Variants in AFG1L observed in about 807,000 individuals in gnomAD.
AFG1L encodes the protein AFG1-like ATPase.
Under a neutral mutation model 62.2 loss-of-function variants are expected in AFG1L, and 53 were observed. That is an observed-to-expected ratio of 0.85 (90% CI 0.68 to 1.07). AFG1L has a LOEUF of 1.07. Among genes scored for constraint, AFG1L ranks in the 50% least tolerant of loss-of-function variants. The probability of loss-of-function intolerance (pLI) is 0.00; values close to 1 mark genes in which losing one functional copy is unlikely to be tolerated. For missense variants in AFG1L, 555 were observed against 590.5 expected, an observed-to-expected ratio of 0.94 and a Z score of 0.62; for synonymous variants, 228 against 210.3, an observed-to-expected ratio of 1.08 and a Z score of -0.73.
At chr6:108,434,570 C>T (rs542923562) in intron 7 of AFG1L, among the ~76,000 whole-genome samples, 2 of 152,300 alleles carry the variant, frequency 1.3e-5, no homozygotes, top group South Asian at 4.1e-4. Flanking sequence ...ATTTTTCTGA[C>T]ACCTGCTAAC....
chr6:108,328,931 T>G (rs35003779), intron 2 of AFG1L, among the ~76,000 whole-genome samples: 2,029 of 152,296 alleles, frequency 0.013, 23 homozygotes, highest in Non-Finnish European at 0.019. Context: ...CTAATGTAAA[T>G]GGAAGATTTG....
intron 10 of AFG1L, among the ~76,000 whole-genome samples, chr6:108,499,108 G>A (rs574240761): frequency 1.3e-3 from 179 of 143,056 alleles, no homozygotes; most frequent in African/African-American, 4.3e-3. Context: ...TTGCTCTGTC[G>A]CCCAGGCTGG....
At chr6:108,520,436 A>G (rs558576896) in intron 12 of AFG1L, 13 of 152,344 alleles carry the variant, frequency 8.5e-5, no homozygotes, top group African/African-American at 3.1e-4. Flanking sequence ...GATTCACCCC[A>G]GGCCAACTAG....
intron 7 of AFG1L, among the ~76,000 whole-genome samples, chr6:108,422,738 G>A (rs113746545): frequency 0.028 from 4,325 of 151,816 alleles, 96 homozygotes; most frequent in Middle Eastern, 0.085. Flanking sequence ...TTCTTTTAAC[G>A]TATTTTAATT....
In AFG1L at chr6:108,355,687, A is replaced by T; in HGVS notation, c.449A>T (p.Tyr150Phe). ...TGKTMVMDMF[Y>F]AYVEMKRKKR... ...AAAACAATGGTGATGGACATGTTTT[A>T]TGCTTATGTGGAAATGAAGAGGAAA... The change falls in exon 4 of 13, where the codon TAT becomes TTT. Residue 150 changes from tyrosine (Y) to phenylalanine (F), a missense_variant. Transcript: ENST00000368977. 6.2e-7 allele frequency: 1 copy of T among 1,610,000 alleles called. No individual in the cohort carries two copies. Among genetic ancestry groups the T allele is most frequent in the Non-Finnish European group, 8.5e-7 (1 of 1,178,668 alleles).
intron 7 of AFG1L, among the ~76,000 whole-genome samples, chr6:108,416,929 T>G (rs1770323651): frequency 6.6e-6 from 1 of 151,136 alleles, no homozygotes; most frequent in African/African-American, 2.4e-5. Flanking sequence ...ATAATAATAA[T>G]AATAAATAAA....
At chr6:108,314,183 A>G in intron 1 of AFG1L, among the ~76,000 whole-genome samples, 1 of 152,030 alleles carries the variant, frequency 6.6e-6, no homozygotes, top group Non-Finnish European at 1.5e-5. Flanking sequence ...GTCAGCTGAG[A>G]TCGCTCCATT....
intron 7 of AFG1L, among the ~76,000 whole-genome samples, chr6:108,419,044 AC>A (rs1770466607): frequency 6.6e-6 from 1 of 152,166 alleles, no homozygotes; most frequent in Non-Finnish European, 1.5e-5. Flanking sequence ...CATCACTTAC[AC>A]TTTCATAAAC....
At chr6:108,371,547 T>G (rs1018878769) in intron 6 of AFG1L, among the ~76,000 whole-genome samples, 1 of 152,120 alleles carries the variant, frequency 6.6e-6, no homozygotes, top group African/African-American at 2.4e-5. Context: ...AATTTTTAAA[T>G]TTTTTGTAGA....
chr6:108,478,725 C>A (rs976684670), intron 10 of AFG1L, among the ~76,000 whole-genome samples: 9 of 151,962 alleles, frequency 5.9e-5, no homozygotes, highest in African/African-American at 1.9e-4. Context: ...AAGAGGGGAA[C>A]GGGAAAAGAC....
chr6:108,489,220 A>G (rs1216550626), intron 10 of AFG1L, among the ~76,000 whole-genome samples: 2 of 152,210 alleles, frequency 1.3e-5, no homozygotes, highest in African/African-American at 2.4e-5. Context: ...ATCAGTGACC[A>G]TAACAGCTGG....
At chr6:108,413,604 C>T (rs1000255083) in intron 7 of AFG1L, among the ~76,000 whole-genome samples, 4 of 152,076 alleles carry the variant, frequency 2.6e-5, no homozygotes, top group Admixed American at 2.0e-4. Flanking sequence ...GAACTCAGGA[C>T]TAAGAAACTC....
chr6:108,372,292 A>G (rs1436131469), intron 6 of AFG1L, among the ~76,000 whole-genome samples: 1 of 149,128 alleles, frequency 6.7e-6, no homozygotes. Flanking sequence ...ATAGTTTTAT[A>G]TTTTAGCTAT....
chr6:108,393,874 C>T (rs1014839797), intron 6 of AFG1L, among the ~76,000 whole-genome samples: 2 of 152,024 alleles, frequency 1.3e-5, no homozygotes, highest in Non-Finnish European at 2.9e-5. Flanking sequence ...ATAGGCTGCA[C>T]ATAGTTAAAG....
chr6:108,371,380 T>C (rs921069048), intron 6 of AFG1L, among the ~76,000 whole-genome samples: 8 of 152,024 alleles, frequency 5.3e-5, no homozygotes, highest in African/African-American at 1.9e-4. Context: ...AGTTTGAGAC[T>C]AGCCTGGGCA....
At chr6:108,339,925 G>A (rs993590572) in intron 2 of AFG1L, among the ~76,000 whole-genome samples, 2 of 151,992 alleles carry the variant, frequency 1.3e-5, no homozygotes, top group African/African-American at 2.4e-5. Flanking sequence ...TACTCTTTTA[G>A]TTACTTTAAA....
intron 6 of AFG1L, chr6:108,392,131 G>C (rs775913924): frequency 1.3e-5 from 2 of 152,120 alleles, no homozygotes; most frequent in Non-Finnish European, 2.9e-5. Context: ...GATTAGCATG[G>C]CTTCTGCACA....
chr6:108,472,795 C>T (rs1582635447), intron 8 of AFG1L, among the ~76,000 whole-genome samples: 1 of 136,248 alleles, frequency 7.3e-6, no homozygotes. Flanking sequence ...CTTTCTTTTT[C>T]TTTTCTTTTC....
At chr6:108,343,555 A>C (rs1778760867) in intron 2 of AFG1L, among the ~76,000 whole-genome samples, 1 of 152,210 alleles carries the variant, frequency 6.6e-6, no homozygotes, top group South Asian at 2.1e-4. Flanking sequence ...CCTAATACAA[A>C]ATGCTGCTTT....
Sources: allele counts gnomAD v4.1 joint callset (sites outside exome capture counted in the v4.1 genomes callset), GRCh38; gene constraint gnomAD v4.1.1; transcripts MANE v1.5; gene names NCBI Gene and HGNC (gene_info 2026-07-23, HGNC 2026-07-21).